The following ZNF397 variants were observed in gnomAD, a reference collection of about 807,000 sequenced individuals.
The protein encoded by ZNF397 is zinc finger protein 397, also known as zinc finger and SCAN domain-containing protein 15.
ZNF397 carries 38 observed loss-of-function variants against 50.6 expected under a neutral mutation model. That is an observed-to-expected ratio of 0.75 (90% confidence interval 0.58 to 0.98). The LOEUF (loss-of-function observed/expected upper bound fraction) is 0.98. ZNF397 is among the 50% of genes least tolerant of loss of function. The pLI is 0.00. For missense variants in ZNF397, 624 were observed against 624.1 expected (o/e 1.00, Z 0.00); for synonymous variants, 228 against 215.2 (o/e 1.06, Z -0.52).
intron 5 of ZNF397, among the ~76,000 whole-genome samples, chr18:35,256,080 A>G (rs916457414): frequency 1.3e-5 from 2 of 152,240 alleles, no homozygotes; most frequent in African/African-American, 4.8e-5. Context: ...TGGGATTTAA[A>G]TACGTCTTCA....
chr18:35,255,917 A>G (rs753728833), intron 5 of ZNF397: 1 of 153,370 alleles, frequency 6.5e-6, no homozygotes, highest in Admixed American at 6.5e-5. Flanking sequence ...CAAATAGGTT[A>G]AAGTCAGAGA....
At chr18:35,251,400 A>G (rs376926063), downstream of ZNF397, 20 of 152,294 alleles carry the variant, frequency 1.3e-4, no homozygotes, top group African/African-American at 4.8e-4. Context: ...TCCATTTGAA[A>G]GATCCCTTTA....
rs765950253 is a variant in ZNF397, at chr18:35,246,908, G to A, written c.*598G>A. The A allele has an allele frequency of 6.0e-5, 57 of 957,324 alleles. No homozygotes were observed. The highest frequency in any genetic ancestry group is 7.0e-5 in the Non-Finnish European group (56 of 804,536). 59.3% of individuals were successfully genotyped at this position (957,324 alleles called of 1,614,324 possible). On this transcript the variant is annotated 3_prime_UTR_variant, in exon 4 of 4. Coordinates refer to ENST00000330501, the MANE Select transcript of ZNF397 (RefSeq NM_001135178.3). The stretch of plus-strand genomic sequence containing the variant: ...GAACTAGGAATACAGTGGAAAACAA[G>A]ACTGTAGTCTCTACAGTCTAATGGG...
chr18:35,249,674 A>G lies in ZNF397; in HGVS notation c.*3364A>G, dbSNP rs947991474. 6.7e-6 allele frequency: 1 copy of G among 149,232 alleles called. No individual in the cohort carries two copies. The highest frequency in any genetic ancestry group is 2.5e-5 in the African/African-American group (1 of 40,604). 9.2% of individuals were successfully genotyped at this position (149,232 alleles called of 1,614,324 possible). A position where few individuals can be genotyped will look rare whatever the true frequency, so the allele number is the denominator to read the frequency against. Reference sequence around the variant, plus strand: ...TCTCAAAAAAAAAAAAAAAAAAAAAAAAAACACTGATGTCAATTAATATTA... The same window carrying G: ...TCTCAAAAAAAAAAAAAAAAAAAAAGAAAACACTGATGTCAATTAATATTA... On this transcript the variant is annotated 3_prime_UTR_variant, in exon 4 of 4. Coordinates refer to ENST00000330501, the MANE Select transcript of ZNF397 (RefSeq NM_001135178.3).
chr18:35,256,043 T>G (rs1307501215), intron 5 of ZNF397, among the ~76,000 whole-genome samples: 1 of 151,884 alleles, frequency 6.6e-6, no homozygotes, highest in Non-Finnish European at 1.5e-5. Flanking sequence ...TTAAGGGCAA[T>G]GAAAATTAGA....
chr18:35,241,928 A>G (rs1015376986), intron 1 of ZNF397, among the ~76,000 whole-genome samples: 5 of 151,710 alleles, frequency 3.3e-5, no homozygotes, highest in East Asian at 1.9e-4. Flanking sequence ...TGCTTTAGAT[A>G]GAAAGTAAGT....
Position 35,242,625 on chromosome 18 carries a change from A to G in ZNF397, c.155A>G (p.Gln52Arg), listed in dbSNP as rs143180474. 8.2e-4 allele frequency: 1,328 copies of G among 1,614,238 alleles called. 5 individuals carry two copies. The highest frequency in any genetic ancestry group is 2.0e-3 in the South Asian group (184 of 91,092). The change falls in exon 2 of 4, where the codon CAA becomes CGA. Residue 52 changes from glutamine (Q) to arginine (R), a missense_variant. Gln to Arg is a conservative substitution (Grantham distance 43). Coordinates refer to ENST00000330501, the MANE Select transcript of ZNF397 (RefSeq NM_001135178.3). ...TCCTGCCAAGAATTGTTTCGTCAGC[A>G]ATTCAGAAAATTTTGCTACCAGGAG... is the stretch of plus-strand genomic sequence containing the variant. The part of the protein sequence containing the change: ...TQSCQELFRQ[Q>R]FRKFCYQETP...
Position 35,246,375 on chromosome 18 carries a change from T to C in ZNF397, c.*65T>C. The C allele has an allele frequency of 6.8e-7, 1 of 1,466,120 alleles. No individual in the cohort carries two copies. Among genetic ancestry groups the C allele is most frequent in the African/African-American group, 1.4e-5 (1 of 70,054 alleles). 90.8% of individuals were successfully genotyped at this position (1,466,120 alleles called of 1,614,324 possible). A position where few individuals can be genotyped will look rare whatever the true frequency, so the allele number is the denominator to read the frequency against. On this transcript the variant is annotated 3_prime_UTR_variant, in exon 4 of 4. Coordinates refer to ENST00000330501, the MANE Select transcript of ZNF397 (RefSeq NM_001135178.3). ...TTTTTAAGTTTGTTAGTCAAAAGAG[T>C]TTACTTTGGAGCAAAACTCCATAAA...
In ZNF397 at chr18:35,242,449, TGCTAAGC is replaced by T. The variant is rs1293328042; in HGVS notation, c.-21_-15del. On this transcript the variant is annotated 5_prime_UTR_variant, in exon 2 of 4. Transcript: ENST00000330501. ...ACAGAACCAGTTGTACTGAGCTTTT[TGCTAAGC>T]TGTTTCAGCCAAGAATGGCTGTGGA... is the stretch of plus-strand genomic sequence containing the variant. 2 of 1,600,590 alleles carry T rather than the reference TGCTAAGC, an allele frequency of 1.2e-6. No individual in the cohort carries two copies. Among genetic ancestry groups the T allele is most frequent in the Admixed American group, 1.7e-5 (1 of 58,298 alleles).
At chr18:35,251,217 G>C (rs1027015008), downstream of ZNF397, 28 of 152,232 alleles carry the variant, frequency 1.8e-4, no homozygotes, top group African/African-American at 5.8e-4. Flanking sequence ...CTAATAGAAA[G>C]TACTCCAAAA....
At chr18:35,254,033 T>C (rs1474235982), downstream of ZNF397, 2 of 1,614,206 alleles carry the variant, frequency 1.2e-6, no homozygotes, top group African/African-American at 2.7e-5. Flanking sequence ...AAAGCACTCA[T>C]AGAGCTTTTC....
At chr18:35,242,063 G>A (rs1912543562) in intron 1 of ZNF397, among the ~76,000 whole-genome samples, 1 of 152,166 alleles carries the variant, frequency 6.6e-6, no homozygotes, top group African/African-American at 2.4e-5. Context: ...ATACATACAT[G>A]TTAAAGATAG....
chr18:35,242,140 T>G (rs1240971714), intron 1 of ZNF397, among the ~76,000 whole-genome samples: 1 of 152,254 alleles, frequency 6.6e-6, no homozygotes, highest in Non-Finnish European at 1.5e-5. Flanking sequence ...ATGTGATTGA[T>G]GTTAATGTTG....
At chr18:35,253,852 T>A (rs768308232), downstream of ZNF397, 8 of 1,614,218 alleles carry the variant, frequency 5.0e-6, no homozygotes, top group East Asian at 1.6e-4. Flanking sequence ...CTTTTCCACA[T>A]TCACAACATT....
At chr18:35,254,148 T>C (rs2043703476), downstream of ZNF397, 1 of 1,614,180 alleles carries the variant, frequency 6.2e-7, no homozygotes, top group Non-Finnish European at 8.5e-7. Context: ...ATTCTTCTGT[T>C]GAAGGTTGCC....
downstream of ZNF397, chr18:35,254,101 ACT>A: frequency 6.2e-7 from 1 of 1,613,910 alleles, no homozygotes; most frequent in East Asian, 2.2e-5. Flanking sequence ...AACTTCCTTC[ACT>A]CTCATGAGAT....
rs1431672078 is a variant in ZNF397 at position 35,248,573 on chromosome 18, G to T, written c.*2263G>T. The T allele has an allele frequency of 6.6e-6, 1 of 152,332 alleles. No homozygotes were observed. Among genetic ancestry groups the T allele is most frequent in the South Asian group, 2.1e-4 (1 of 4,826 alleles). The allele number at this position is 152,332 out of a possible 1,614,324, so 9.4% of individuals were successfully genotyped here. A position where few individuals can be genotyped will look rare whatever the true frequency, so the allele number is the denominator to read the frequency against. ...TGTAATAGATAGACCAAGCACAGTG[G>T]CTCACACCTATAATGCCAGCACTTT... is the stretch of plus-strand genomic sequence containing the variant. On this transcript the variant is annotated 3_prime_UTR_variant, in exon 4 of 4. Transcript: ENST00000330501.
chr18:35,253,964 G>A, downstream of ZNF397: 1 of 1,614,174 alleles, frequency 6.2e-7, no homozygotes, highest in African/African-American at 1.3e-5. Flanking sequence ...TCTCTCTCCA[G>A]TATGAATTCT....
chr18:35,243,018 T>C (rs1466523253), intron 2 of ZNF397, 134 bp downstream of exon 2: 5 of 1,493,120 alleles, frequency 3.3e-6, no homozygotes, highest in Non-Finnish European at 4.5e-6. Flanking sequence ...GCCATACTTG[T>C]CTATACCCTT....
Sources: allele counts gnomAD v4.1 joint callset (sites outside exome capture counted in the v4.1 genomes callset), GRCh38; gene constraint gnomAD v4.1.1; transcripts MANE v1.5; gene names NCBI Gene and HGNC (gene_info 2026-07-23, HGNC 2026-07-21).